DNM3: variants seen among roughly 807,000 people sequenced by gnomAD.
DNM3 encodes dynamin 3.
Under a neutral mutation model 101.6 loss-of-function variants are expected in DNM3, and 47 were observed. The observed-to-expected ratio is 0.46, with a 90% CI of 0.37 to 0.59. The LOEUF (loss-of-function observed/expected upper bound fraction) is 0.59. Ranked by LOEUF, DNM3 falls within the 20% of genes least tolerant of loss-of-function variation. The probability of loss-of-function intolerance (pLI) is 0.00; values close to 1 mark genes in which losing one functional copy is unlikely to be tolerated. For synonymous variants in DNM3, 385 were observed against 387.9 expected (o/e 0.99, Z 0.09); for missense variants, 849 against 1,085.7 (o/e 0.78, Z 3.06).
At chr1:172,098,927 G>A (rs1184492671) in intron 13 of DNM3, among the ~76,000 whole-genome samples, 2 of 152,198 alleles carry the variant, frequency 1.3e-5, no homozygotes, top group Admixed American at 6.5e-5. Context: ...ACTGTGGAAG[G>A]TCCTGTGCAG....
intron 4 of DNM3, among the ~76,000 whole-genome samples, chr1:172,030,554 T>G (rs2048528692): frequency 6.6e-6 from 1 of 152,080 alleles, no homozygotes; most frequent in African/African-American, 2.4e-5. Context: ...ACAAATGGGA[T>G]CTAATTAAAC....
At chr1:172,058,021 C>CA (rs1259685069) in intron 10 of DNM3, among the ~76,000 whole-genome samples, 2 of 131,926 alleles carry the variant, frequency 1.5e-5, no homozygotes, top group Non-Finnish European at 3.2e-5. Flanking sequence ...AAATGGAAAA[C>CA]AAAAAAAGGC....
intron 2 of DNM3, among the ~76,000 whole-genome samples, chr1:171,947,109 A>G (rs546494295): frequency 1.3e-5 from 2 of 152,322 alleles, no homozygotes; most frequent in African/African-American, 2.4e-5. Flanking sequence ...ATTCATTTCA[A>G]TTGGTGCAGT....
chr1:172,296,033 C>A (rs1349867855), intron 15 of DNM3, among the ~76,000 whole-genome samples: 1 of 116,460 alleles, frequency 8.6e-6, no homozygotes, highest in Non-Finnish European at 1.9e-5. Flanking sequence ...TAGCAAGCAA[C>A]CATTGATGGA....
intron 15 of DNM3, among the ~76,000 whole-genome samples, chr1:172,277,422 G>A (rs2063331418): frequency 6.6e-6 from 1 of 151,988 alleles, no homozygotes; most frequent in Non-Finnish European, 1.5e-5. Flanking sequence ...AAATTTAGAG[G>A]AAAATGGTCC....
intron 13 of DNM3, among the ~76,000 whole-genome samples, chr1:172,130,335 A>G (rs2056867621): frequency 6.6e-6 from 1 of 152,156 alleles, no homozygotes. Flanking sequence ...GACATGGTAA[A>G]TGATGCCCTC....
At chr1:172,039,899 A>G (rs1056262949) in intron 7 of DNM3, among the ~76,000 whole-genome samples, 9 of 152,154 alleles carry the variant, frequency 5.9e-5, no homozygotes, top group African/African-American at 2.2e-4. Context: ...AAAAACAGAC[A>G]TAAAAATTAA....
chr1:171,922,896 C>A (rs986397982), intron 2 of DNM3, among the ~76,000 whole-genome samples: 1 of 152,150 alleles, frequency 6.6e-6, no homozygotes, highest in African/African-American at 2.4e-5. Context: ...CTTTTTATGG[C>A]CTAATAATAT....
intron 14 of DNM3, among the ~76,000 whole-genome samples, chr1:172,179,056 A>T (rs2059255095): frequency 1.3e-5 from 2 of 152,068 alleles, no homozygotes; most frequent in East Asian, 3.9e-4. Flanking sequence ...TTTGAATGAA[A>T]CTGGACTTAG....
At chr1:172,032,728 A>G (rs748740386) in intron 5 of DNM3, among the ~76,000 whole-genome samples, 1 of 151,992 alleles carries the variant, frequency 6.6e-6, no homozygotes, top group African/African-American at 2.4e-5. Flanking sequence ...AATAACAGGA[A>G]TAAGAAAACA....
At chr1:172,173,313 A>C in intron 14 of DNM3, among the ~76,000 whole-genome samples, 1 of 151,740 alleles carries the variant, frequency 6.6e-6, no homozygotes, top group South Asian at 2.1e-4. Context: ...TTGTTAAAGC[A>C]AGTGAGCAGA....
intron 15 of DNM3, among the ~76,000 whole-genome samples, chr1:172,283,772 A>G (rs1178347554): frequency 1.4e-5 from 2 of 148,136 alleles, no homozygotes; most frequent in South Asian, 2.2e-4. Flanking sequence ...AAAAAAAAAA[A>G]AAAAAAAAAA....
At chr1:172,301,319 C>A (rs528984279) in intron 15 of DNM3, among the ~76,000 whole-genome samples, 3 of 152,068 alleles carry the variant, frequency 2.0e-5, no homozygotes, top group Non-Finnish European at 4.4e-5. Context: ...TTGGGCAACA[C>A]AGTGAGACCT....
downstream of DNM3, among the ~76,000 whole-genome samples, chr1:172,416,662 C>T (rs2071435066): frequency 2.0e-5 from 3 of 152,168 alleles, no homozygotes; most frequent in South Asian, 2.1e-4. Flanking sequence ...TAATGGCCCA[C>T]CTCCCCACCC....
chr1:172,032,525 ACTTTT>A, intron 5 of DNM3, 25 bp downstream of exon 5: 8 of 662,830 alleles, frequency 1.2e-5, no homozygotes, highest in East Asian at 3.5e-5. Flanking sequence ...TCTATACAAG[ACTTTT>A]TTTTTTTTTT....
chr1:172,246,947 A>T (rs558824906), intron 14 of DNM3, among the ~76,000 whole-genome samples: 1 of 152,280 alleles, frequency 6.6e-6, no homozygotes, highest in South Asian at 2.1e-4. Context: ...TAGGAAAAAT[A>T]TTGATCAACA....
chr1:172,057,362 C>T (rs895632723), intron 10 of DNM3, among the ~76,000 whole-genome samples: 20 of 152,096 alleles, frequency 1.3e-4, no homozygotes, highest in African/African-American at 4.3e-4. Context: ...AGATACTCCT[C>T]GAGAAGAGCA....
intron 14 of DNM3, among the ~76,000 whole-genome samples, chr1:172,215,931 A>G (rs2060678566): frequency 6.6e-6 from 1 of 150,984 alleles, no homozygotes; most frequent in African/African-American, 2.4e-5. Context: ...CTGATAATTC[A>G]ATTTATAATT....
At chr1:172,319,898 G>C (rs370042059) in intron 16 of DNM3, among the ~76,000 whole-genome samples, 10,651 of 151,854 alleles carry the variant, frequency 0.07, 402 homozygotes, top group Middle Eastern at 0.12. Flanking sequence ...ACCCAAAGGA[G>C]TATAAATCAT....
Sources: allele counts gnomAD v4.1 joint callset (sites outside exome capture counted in the v4.1 genomes callset), GRCh38; gene constraint gnomAD v4.1.1; transcripts MANE v1.5; gene names NCBI Gene and HGNC (gene_info 2026-07-23, HGNC 2026-07-21).